The following PACRG variants were observed in gnomAD, a reference collection of about 807,000 sequenced individuals.
PACRG encodes the protein parkin coregulated gene protein.
Under a neutral mutation model 29.7 loss-of-function variants are expected in PACRG, and 29 were observed. The ratio of observed to expected loss-of-function variants is 0.98; its 90% confidence interval spans 0.73 to 1.33. PACRG has a LOEUF of 1.33. Among genes scored for constraint, PACRG ranks in the 40% most tolerant of loss-of-function variants. The pLI, the probability that PACRG is intolerant of heterozygous loss-of-function variation, is 0.00. For synonymous variants in PACRG, 116 were observed against 118.7 expected (o/e 0.98, Z 0.15); for missense variants, 279 against 316.2 (o/e 0.88, Z 0.89).
chr6:162,996,115 A>T (rs963777786), intron 2 of PACRG, among the ~76,000 whole-genome samples: 1 of 152,142 alleles, frequency 6.6e-6, no homozygotes, highest in Admixed American at 6.5e-5. Context: ...AATAAATTAA[A>T]TCTTCTCACC....
chr6:162,960,982 C>T (rs1800568081), intron 2 of PACRG, among the ~76,000 whole-genome samples: 1 of 125,398 alleles, frequency 8.0e-6, no homozygotes. Context: ...GTCATGTGCC[C>T]ATGCCAGAAT....
At chr6:163,198,177 G>T (rs1780553765) in intron 4 of PACRG, among the ~76,000 whole-genome samples, 1 of 152,170 alleles carries the variant, frequency 6.6e-6, no homozygotes, top group Non-Finnish European at 1.5e-5. Flanking sequence ...CAAACGACTG[G>T]AACTAGTTAT....
At chr6:162,938,332 G>T (rs886805025) in intron 2 of PACRG, among the ~76,000 whole-genome samples, 1 of 152,178 alleles carries the variant, frequency 6.6e-6, no homozygotes, top group Non-Finnish European at 1.5e-5. Context: ...CCATGTTTTT[G>T]CAATTGGGAA....
At chr6:163,014,867 C>T (rs1282664361) in intron 2 of PACRG, among the ~76,000 whole-genome samples, 1 of 152,038 alleles carries the variant, frequency 6.6e-6, no homozygotes, top group Non-Finnish European at 1.5e-5. Context: ...ATCCATTTGT[C>T]AGTTTTTGTT....
At chr6:162,888,376 AACT>A (rs1418894266) in intron 2 of PACRG, among the ~76,000 whole-genome samples, 5 of 152,110 alleles carry the variant, frequency 3.3e-5, no homozygotes, top group African/African-American at 1.2e-4. Flanking sequence ...AGCTCCAGGA[AACT>A]CTAGTCTCTG....
intron 4 of PACRG, chr6:163,179,175 C>A: frequency 2.2e-6 from 1 of 455,996 alleles, no homozygotes; most frequent in Non-Finnish European, 4.4e-6. Context: ...TTGGCTCACA[C>A]TGATGTCCGC....
At chr6:162,959,837 T>C (rs931970884) in intron 2 of PACRG, among the ~76,000 whole-genome samples, 4 of 151,930 alleles carry the variant, frequency 2.6e-5, no homozygotes, top group South Asian at 2.1e-4. Flanking sequence ...AAAAAAGAAT[T>C]CTGTATATAT....
chr6:163,211,983 G>A (rs6907701), intron 4 of PACRG, among the ~76,000 whole-genome samples: 36,715 of 152,000 alleles, frequency 0.24, 4,420 homozygotes, highest in Middle Eastern at 0.3. Flanking sequence ...GAAGACATCT[G>A]TGTGGTTGGG....
chr6:163,278,570 G>A (rs1044505093), intron 4 of PACRG, among the ~76,000 whole-genome samples: 1 of 152,114 alleles, frequency 6.6e-6, no homozygotes, highest in Admixed American at 6.5e-5. Flanking sequence ...AATTATCTCA[G>A]CACCATTTGT....
At chr6:162,865,507 T>A (rs1792219114) in intron 2 of PACRG, among the ~76,000 whole-genome samples, 1 of 152,224 alleles carries the variant, frequency 6.6e-6, no homozygotes, top group Non-Finnish European at 1.5e-5. Context: ...GGATGCCTTT[T>A]AAACTTTCTA....
Position 163,062,324 on chromosome 6 carries a change from A to G in PACRG, c.463+3A>G. The G allele has an allele frequency of 6.2e-7, 1 of 1,606,742 alleles. No homozygotes were observed. The highest frequency in any genetic ancestry group is 8.5e-7 in the Non-Finnish European group (1 of 1,177,352). On this transcript the variant is annotated splice_donor_region_variant and intron_variant, in intron 3 of 4. Transcript: ENST00000366888. The stretch of plus-strand genomic sequence containing the variant: ...ACAGCTCATTATCCCGATAAAAAGT[A>G]AGTGAACCGGTGAAAAAGCATCACT...
At chr6:162,778,242 G>A (rs1433666948) in intron 1 of PACRG, among the ~76,000 whole-genome samples, 1 of 152,162 alleles carries the variant, frequency 6.6e-6, no homozygotes, top group African/African-American at 2.4e-5. Flanking sequence ...TGGCAGTGGA[G>A]CAGCTTCTGC....
At chr6:163,194,568 C>G (rs150085323) in intron 4 of PACRG, among the ~76,000 whole-genome samples, 1 of 152,330 alleles carries the variant, frequency 6.6e-6, no homozygotes, top group East Asian at 1.9e-4. Context: ...GGGACCCTGA[C>G]AGCCAGTCAT....
intron 4 of PACRG, among the ~76,000 whole-genome samples, chr6:163,208,980 A>C (rs762309325): frequency 9.9e-5 from 15 of 152,208 alleles, no homozygotes; most frequent in Non-Finnish European, 1.8e-4. Context: ...AGGAGATCTC[A>C]CAGGAGTGGA....
At chr6:162,915,024 A>C (rs1796610178) in intron 2 of PACRG, among the ~76,000 whole-genome samples, 1 of 151,942 alleles carries the variant, frequency 6.6e-6, no homozygotes, top group East Asian at 1.9e-4. Flanking sequence ...CTTATATTTA[A>C]CTTTTTTTAA....
intron 2 of PACRG, among the ~76,000 whole-genome samples, chr6:162,899,525 A>C (rs1795405607): frequency 6.6e-6 from 1 of 152,292 alleles, no homozygotes; most frequent in East Asian, 1.9e-4. Flanking sequence ...GACTGTGTGC[A>C]GGTAGGCATT....
intron 2 of PACRG, among the ~76,000 whole-genome samples, chr6:162,869,207 C>G (rs551298550): frequency 1.3e-5 from 2 of 152,074 alleles, no homozygotes; most frequent in African/African-American, 4.8e-5. Flanking sequence ...TAGGGCGGCT[C>G]CAAGATCCCT....
At position 162,849,208 on chromosome 6, in the gene PACRG, A is replaced by G. The variant is rs1160673505; in HGVS notation, c.291+34927A>G. Among the ~76,000 whole-genome samples, 5 of 152,232 alleles carry G rather than the reference A, an allele frequency of 3.3e-5. No homozygotes were observed. The East Asian group carries it at 9.6e-4, about 29-fold the overall frequency. On this transcript the variant is annotated intron_variant, in intron 2 of 4. Coordinates refer to ENST00000366888, the MANE Select transcript of PACRG (RefSeq NM_001080379.2). The stretch of plus-strand genomic sequence containing the variant: ...GTGAAGGGATGGTTAAAAAGAAAAA[A>G]GGACCCTTTAAGACAGTCGTTAAGC...
intron 2 of PACRG, among the ~76,000 whole-genome samples, chr6:162,881,995 C>T (rs1420126602): frequency 7.7e-6 from 1 of 129,366 alleles, no homozygotes; most frequent in East Asian, 2.5e-4. Flanking sequence ...GGACAGAGAC[C>T]CTGGGGCACT....
Sources: allele counts gnomAD v4.1 joint callset (sites outside exome capture counted in the v4.1 genomes callset), GRCh38; gene constraint gnomAD v4.1.1; transcripts MANE v1.5; gene names NCBI Gene and HGNC (gene_info 2026-07-23, HGNC 2026-07-21).